POLN: variants seen among roughly 807,000 people sequenced by gnomAD.
POLN encodes DNA polymerase N.
A neutral mutation model predicts 113.5 loss-of-function variants in POLN; 108 were observed. That is an observed-to-expected ratio of 0.95 (90% CI 0.81 to 1.12). POLN has a LOEUF of 1.12. POLN is among the 50% of genes most tolerant of loss of function. The probability of loss-of-function intolerance (pLI) is 0.00; values close to 1 mark genes in which losing one functional copy is unlikely to be tolerated. For synonymous variants in POLN, 386 were observed against 391.5 expected, an observed-to-expected ratio of 0.99 and a Z score of 0.17; for missense variants, 1,097 against 1,077.1, an observed-to-expected ratio of 1.02 and a Z score of -0.26.
At chr4:2,192,993 A>C (rs905076163) in intron 7 of POLN, among the ~76,000 whole-genome samples, 20 of 152,114 alleles carry the variant, frequency 1.3e-4, no homozygotes, top group African/African-American at 4.8e-4. Flanking sequence ...TTAAATTATG[A>C]AAGTAATATA....
At chr4:2,094,204 G>A (rs571129707) in intron 20 of POLN, among the ~76,000 whole-genome samples, 17 of 151,866 alleles carry the variant, frequency 1.1e-4, no homozygotes, top group Middle Eastern at 6.8e-3. Flanking sequence ...AAAATTAGCC[G>A]AATGTGGTGG....
chr4:2,196,605 C>T (rs1560090175), intron 6 of POLN, among the ~76,000 whole-genome samples: 1 of 149,572 alleles, frequency 6.7e-6, no homozygotes, highest in Non-Finnish European at 1.5e-5. Context: ...GCGTACACAA[C>T]TTGTTAAGTT....
intron 19 of POLN, among the ~76,000 whole-genome samples, chr4:2,119,628 G>T (rs1577704062): frequency 6.6e-6 from 1 of 152,056 alleles, no homozygotes; most frequent in African/African-American, 2.4e-5. Flanking sequence ...CTTTGAAAAC[G>T]TTACTAAGTA....
At chr4:2,241,065 T>G in intron 2 of POLN, 1 of 727,828 alleles carries the variant, frequency 1.4e-6, no homozygotes. Context: ...GAAGGGAAAA[T>G]ATATTTTTAG....
intron 2 of POLN, among the ~76,000 whole-genome samples, chr4:2,235,482 A>T (rs1734728226): frequency 6.6e-6 from 1 of 152,234 alleles, no homozygotes; most frequent in Non-Finnish European, 1.5e-5. Context: ...AATAACCTAA[A>T]TGTCTGTCAA....
rs141059383 is a variant in POLN, at chr4:2,116,873, C to G, written c.1982+11240G>C. On this transcript the variant is annotated intron_variant, in intron 19 of 25. Transcript: ENST00000511885. Reference sequence around the variant, plus strand: ...GGCACATATTCTCTGCAACACAAATCTGCTGACTCAGACGCCTAGCAAAAC... The same window carrying G: ...GGCACATATTCTCTGCAACACAAATGTGCTGACTCAGACGCCTAGCAAAAC... Among the ~76,000 whole-genome samples, 489 of 152,312 alleles carry G rather than the reference C, an allele frequency of 3.2e-3. 4 individuals are homozygous for G. The highest frequency in any genetic ancestry group is 0.011 in the African/African-American group (452 of 41,558).
At chr4:2,197,422 T>C (rs1232923167) in intron 6 of POLN, among the ~76,000 whole-genome samples, 5 of 152,112 alleles carry the variant, frequency 3.3e-5, no homozygotes, top group African/African-American at 1.2e-4. Flanking sequence ...AAGTCAGAGA[T>C]AACCCCAGGA....
chr4:2,151,164 T>G (rs1250598849), intron 16 of POLN, among the ~76,000 whole-genome samples: 7 of 152,182 alleles, frequency 4.6e-5, no homozygotes, highest in Non-Finnish European at 1.0e-4. Context: ...AAGGTATGAC[T>G]AGGTGCTTCA....
chr4:2,197,831 GC>G (rs1266839279), intron 6 of POLN, among the ~76,000 whole-genome samples: 1 of 152,168 alleles, frequency 6.6e-6, no homozygotes, highest in African/African-American at 2.4e-5. Context: ...TGCCTTGATT[GC>G]CTCTTCCAGG....
At chr4:2,124,487 C>T (rs530400862) in intron 19 of POLN, among the ~76,000 whole-genome samples, 91 of 152,216 alleles carry the variant, frequency 6.0e-4, no homozygotes, top group Middle Eastern at 3.4e-3. Flanking sequence ...CCATGTTGCC[C>T]AGGCTGGTCT....
intron 19 of POLN, among the ~76,000 whole-genome samples, chr4:2,120,174 A>G (rs1360464240): frequency 6.6e-6 from 1 of 152,220 alleles, no homozygotes; most frequent in African/African-American, 2.4e-5. Flanking sequence ...AAGTTTTAAT[A>G]TCAGGTGGGG....
intron 16 of POLN, among the ~76,000 whole-genome samples, chr4:2,141,848 T>C (rs1245465249): frequency 6.6e-6 from 1 of 152,228 alleles, no homozygotes; most frequent in Non-Finnish European, 1.5e-5. Context: ...TCCTGGAGAC[T>C]GCGACCCAGC....
chr4:2,134,365 T>A (rs1731800935), intron 16 of POLN, among the ~76,000 whole-genome samples: 2 of 152,254 alleles, frequency 1.3e-5, no homozygotes, highest in African/African-American at 4.8e-5. Context: ...CAAATTAATT[T>A]GGTGGATGCC....
At chr4:2,080,171 A>G (rs1730370751) in intron 23 of POLN, 1 of 986,328 alleles carries the variant, frequency 1.0e-6, no homozygotes, top group East Asian at 1.1e-4. Flanking sequence ...GATCCCGCAC[A>G]AGGAGAACGA....
At chr4:2,160,034 C>A (rs1040378055) in intron 13 of POLN, among the ~76,000 whole-genome samples, 23 of 152,196 alleles carry the variant, frequency 1.5e-4, no homozygotes, top group Admixed American at 3.3e-4. Context: ...AGAGATACTG[C>A]CAGTTCTCCA....
At chr4:2,096,601 C>T (rs1730796117) in intron 19 of POLN, among the ~76,000 whole-genome samples, 1 of 151,488 alleles carries the variant, frequency 6.6e-6, no homozygotes, top group Non-Finnish European at 1.5e-5. Flanking sequence ...GTGCCACCTC[C>T]TGCCTGCTGC....
intron 19 of POLN, among the ~76,000 whole-genome samples, chr4:2,108,643 C>T (rs1003989417): frequency 6.6e-6 from 1 of 152,046 alleles, no homozygotes; most frequent in East Asian, 1.9e-4. Flanking sequence ...TTGAAGAATA[C>T]TTTTAGGGTA....
At chr4:2,194,041 G>A (rs11935929) in intron 6 of POLN, among the ~76,000 whole-genome samples, 38,772 of 152,050 alleles carry the variant, frequency 0.25, 7,819 homozygotes, top group African/African-American at 0.54. Context: ...TACCACGCTG[G>A]ACACTTCGCA....
intron 10 of POLN, 148 bp from the exon 11 acceptor site, chr4:2,174,167 C>G: frequency 1.3e-6 from 1 of 756,628 alleles, no homozygotes; most frequent in African/African-American, 1.7e-5. Flanking sequence ...TGCACAGGAT[C>G]TGTCAGGATC....
Sources: allele counts gnomAD v4.1 joint callset (sites outside exome capture counted in the v4.1 genomes callset), GRCh38; gene constraint gnomAD v4.1.1; transcripts MANE v1.5; gene names NCBI Gene and HGNC (gene_info 2026-07-23, HGNC 2026-07-21).